ASXL3: variants seen among roughly 807,000 people sequenced by gnomAD.
ASXL3 encodes ASXL transcriptional regulator 3.
Under a neutral mutation model 170.6 loss-of-function variants are expected in ASXL3, and 34 were observed. The ratio of observed to expected loss-of-function variants is 0.20; its 90% CI spans 0.15 to 0.27. The LOEUF (loss-of-function observed/expected upper bound fraction) is 0.27, where lower values mean the gene tolerates loss of function less well. ASXL3 is among the 10% of genes least tolerant of loss of function. The pLI is 1.00. For synonymous variants in ASXL3, 1,002 were observed against 989.1 expected (o/e 1.01, Z -0.24); for missense variants, 2,592 against 2,695.3 (o/e 0.96, Z 0.85).
chr18:33,603,502 T>C (rs2065207563), intron 1 of ASXL3, among the ~76,000 whole-genome samples: 1 of 152,048 alleles, frequency 6.6e-6, no homozygotes, highest in South Asian at 2.1e-4. Context: ...CTCAAAACTG[T>C]ATGAATGTAT....
intron 2 of ASXL3, among the ~76,000 whole-genome samples, chr18:33,640,812 CAG>C (rs1182123972): frequency 5.3e-5 from 8 of 151,696 alleles, no homozygotes; most frequent in Admixed American, 1.3e-4. Context: ...GCACTAAGCA[CAG>C]TAACTAATTA....
intron 2 of ASXL3, among the ~76,000 whole-genome samples, chr18:33,630,212 TTTC>T (rs764289111): frequency 6.6e-5 from 10 of 152,034 alleles, no homozygotes; most frequent in Admixed American, 1.3e-4. Context: ...TTATACTTCC[TTTC>T]TAAAGCCTCT....
At chr18:33,706,600 C>T (rs543473946) in intron 8 of ASXL3, among the ~76,000 whole-genome samples, 2 of 151,918 alleles carry the variant, frequency 1.3e-5, no homozygotes, top group South Asian at 4.1e-4. Context: ...TTAAGCAACA[C>T]TTGACACATT....
Position 33,673,999 on chromosome 18 carries a change from G to A in ASXL3, c.715+2133G>A, listed in dbSNP as rs191586258. Among the ~76,000 whole-genome samples, 203 of 152,218 alleles carry A rather than the reference G, an allele frequency of 1.3e-3. 2 individuals are homozygous for A. Among genetic ancestry groups the A allele is most frequent in the African/African-American group, 4.7e-3 (195 of 41,518 alleles). On this transcript the variant is annotated intron_variant, in intron 7 of 11. Transcript: ENST00000269197. ...GTCACATTCACTGGCCATATATAAT[G>A]GAATGGTCTAGGTATTTTGACATAA...
chr18:33,737,205 C>A (rs1272432309), intron 10 of ASXL3, among the ~76,000 whole-genome samples: 2 of 152,060 alleles, frequency 1.3e-5, no homozygotes, highest in Non-Finnish European at 2.9e-5. Context: ...TCAGAGATTT[C>A]TGAATTTAAA....
chr18:33,661,469 A>G (rs1389199858), intron 4 of ASXL3, 147 bp from the exon 5 acceptor site: 14 of 686,476 alleles, frequency 2.0e-5, no homozygotes, highest in Non-Finnish European at 2.1e-5. Flanking sequence ...CCTTTTCTTC[A>G]TATGTAGATA....
intron 5 of ASXL3, among the ~76,000 whole-genome samples, chr18:33,664,532 G>A (rs1188339108): frequency 1.1e-4 from 16 of 152,104 alleles, no homozygotes; most frequent in African/African-American, 3.6e-4. Context: ...GACTTTAGTA[G>A]TCTATACATT....
intron 2 of ASXL3, among the ~76,000 whole-genome samples, chr18:33,644,382 C>T (rs1292968938): frequency 6.6e-6 from 1 of 151,722 alleles, no homozygotes; most frequent in Non-Finnish European, 1.5e-5. Flanking sequence ...AACTTAAATA[C>T]TTATAATTTC....
rs2064966042 is a variant in ASXL3, at chr18:33,578,626, G to A, written c.-6G>A. On this transcript the variant is annotated 5_prime_UTR_variant, in exon 1 of 12. An upstream start codon of the reference 5' UTR is lost. Coordinates refer to ENST00000269197, the MANE Select transcript of ASXL3 (RefSeq NM_030632.3). ...TCATCATCAGAACCATCAATGAGAT[G>A]CAAACATGAAAGACAAGAGGAAGAA... The A allele has an allele frequency of 1.5e-6, 2 of 1,345,856 alleles. No individual in the cohort carries two copies. The highest frequency in any genetic ancestry group is 3.9e-5 in the East Asian group (1 of 25,820). The allele number at this position is 1,345,856 out of a possible 1,614,324, so 83.4% of individuals were successfully genotyped here.
At chr18:33,679,895 A>T (rs1375818262) in intron 7 of ASXL3, among the ~76,000 whole-genome samples, 1 of 152,030 alleles carries the variant, frequency 6.6e-6, no homozygotes. Flanking sequence ...ACATTTGTTT[A>T]TACCATCTCA....
intron 5 of ASXL3, among the ~76,000 whole-genome samples, chr18:33,662,894 C>A (rs2066197477): frequency 6.6e-6 from 1 of 152,180 alleles, no homozygotes; most frequent in Admixed American, 6.5e-5. Context: ...TAGACTTAGA[C>A]ATCTCTACCT....
At position 33,743,055 on chromosome 18, in the gene ASXL3, G is replaced by GGCTGCTGCA; in HGVS notation, c.3216_3224dup (p.Ala1073_Ala1075dup). On this transcript the variant is annotated inframe_insertion, in exon 12 of 12. Transcript: ENST00000269197. ...CCCAACAAGCTCGGGCCCAGCGAGA[G>GGCTGCTGCA]GCTGCTGCAGCTGCTGCTGTGGCTG... is the stretch of plus-strand genomic sequence containing the variant. The GGCTGCTGCA allele has an allele frequency of 6.2e-7, 1 of 1,613,310 alleles. No homozygotes were observed. The highest frequency in any genetic ancestry group is 8.5e-7 in the Non-Finnish European group (1 of 1,179,758).
chr18:33,585,094 C>G (rs2065025218), intron 1 of ASXL3, among the ~76,000 whole-genome samples: 1 of 151,958 alleles, frequency 6.6e-6, no homozygotes, highest in South Asian at 2.1e-4. Context: ...TCAGTCCCTT[C>G]CTCTCACTCT....
chr18:33,590,832 A>G (rs952324457), intron 1 of ASXL3, among the ~76,000 whole-genome samples: 1 of 152,128 alleles, frequency 6.6e-6, no homozygotes, highest in African/African-American at 2.4e-5. Context: ...TAGTCTATAT[A>G]TAATATTTAT....
At chr18:33,593,108 A>G (rs965645863) in intron 1 of ASXL3, among the ~76,000 whole-genome samples, 2 of 152,134 alleles carry the variant, frequency 1.3e-5, no homozygotes, top group Non-Finnish European at 1.5e-5. Context: ...GACATTTTAA[A>G]TGAGTTCAGG....
Position 33,645,000 on chromosome 18 carries a change from AAAGT to A in ASXL3, c.246+3_246+6del. ...TGGAAAGTCAGGCCTCTATGCTCTC[AAAGT>A]AAGTTGCATTGTTCTGCATATTGTT... On this transcript the variant is annotated splice_donor_variant and coding_sequence_variant, in exon 3 of 12. Coordinates refer to ENST00000269197, the MANE Select transcript of ASXL3 (RefSeq NM_030632.3). LOFTEE classifies it high-confidence loss of function. 1 of 1,531,118 alleles carries A rather than the reference AAAGT, an allele frequency of 6.5e-7. No homozygotes were observed. Among genetic ancestry groups the A allele is most frequent in the Non-Finnish European group, 8.9e-7 (1 of 1,125,488 alleles). The allele number at this position is 1,531,118 out of a possible 1,614,324, so 94.8% of individuals were successfully genotyped here.
Position 33,744,836 on chromosome 18 carries a change from A to G in ASXL3, c.4988A>G (p.Asn1663Ser). The G allele has an allele frequency of 6.2e-7, 1 of 1,614,022 alleles. No individual in the cohort carries two copies. Among genetic ancestry groups the G allele is most frequent in the Non-Finnish European group, 8.5e-7 (1 of 1,179,872 alleles). Residue 1663 changes from asparagine to serine, a missense_variant, in exon 12 of 12, where the codon AAT (asparagine) becomes AGT (serine). Asn to Ser is a conservative substitution (Grantham distance 46). Transcript: ENST00000269197. The stretch of plus-strand genomic sequence containing the variant: ...CTTCATCCCAGGAATCTTGTAACAA[A>G]TGTTGCTCTTCCTGTGAAATCTGAA... ...SELHPRNLVTNVALPVKSELH... is the reference protein window; with the variant it reads ...SELHPRNLVTSVALPVKSELH...
chr18:33,638,057 C>T (rs960130460), intron 2 of ASXL3, among the ~76,000 whole-genome samples: 2 of 151,556 alleles, frequency 1.3e-5, no homozygotes, highest in African/African-American at 4.9e-5. Flanking sequence ...TCTTAATGAT[C>T]CAGTTTAATA....
At chr18:33,733,547 C>T (rs992601435) in intron 9 of ASXL3, among the ~76,000 whole-genome samples, 1 of 152,156 alleles carries the variant, frequency 6.6e-6, no homozygotes, top group Non-Finnish European at 1.5e-5. Context: ...CTGCAGTCCT[C>T]CAATTACTTC....
Sources: allele counts gnomAD v4.1 joint callset (sites outside exome capture counted in the v4.1 genomes callset), GRCh38; gene constraint gnomAD v4.1.1; transcripts MANE v1.5; gene names NCBI Gene and HGNC (gene_info 2026-07-23, HGNC 2026-07-21).